Variants in HMGCLL1 observed in about 807,000 individuals in gnomAD.
The protein encoded by HMGCLL1 is 3-hydroxy-3-methylglutaryl-CoA lyase like 1.
In HMGCLL1, 36 loss-of-function variants were observed where a neutral mutation model predicts 39.1. That is an observed-to-expected ratio of 0.92 (90% CI 0.71 to 1.22). The LOEUF (loss-of-function observed/expected upper bound fraction) is 1.22, where lower values mean the gene tolerates loss of function less well. Among genes scored for constraint, HMGCLL1 ranks in the 50% most tolerant of loss-of-function variants. The probability of loss-of-function intolerance (pLI) is 0.00; values close to 1 mark genes in which losing one functional copy is unlikely to be tolerated. For synonymous variants in HMGCLL1, 149 were observed against 144.0 expected (o/e 1.03, Z -0.25); for missense variants, 451 against 416.5 (o/e 1.08, Z -0.72).
chr6:55,570,880 G>C (rs569621439), intron 1 of HMGCLL1, among the ~76,000 whole-genome samples: 1 of 152,290 alleles, frequency 6.6e-6, no homozygotes, highest in South Asian at 2.1e-4. Flanking sequence ...CACATGGCTA[G>C]GGAGGCCTCA....
chr6:55,576,076 T>G (rs1274563616), intron 1 of HMGCLL1, among the ~76,000 whole-genome samples: 1 of 152,210 alleles, frequency 6.6e-6, no homozygotes, highest in African/African-American at 2.4e-5. Context: ...TCCTTAGTTT[T>G]ACTATGCTTA....
At chr6:55,575,412 T>C (rs1308905037) in intron 1 of HMGCLL1, among the ~76,000 whole-genome samples, 1 of 152,092 alleles carries the variant, frequency 6.6e-6, no homozygotes, top group East Asian at 1.9e-4. Context: ...AATATTTAAT[T>C]TAAGTCTAAT....
the HMGCLL1 span, among the ~76,000 whole-genome samples, chr6:55,640,912 A>C: frequency 6.6e-6 from 1 of 151,990 alleles, no homozygotes; most frequent in African/African-American, 2.4e-5. Flanking sequence ...ATGTTCAAAG[A>C]TGTCCACTAT....
chr6:55,571,541 C>G (rs1479527588), intron 1 of HMGCLL1, among the ~76,000 whole-genome samples: 3 of 152,128 alleles, frequency 2.0e-5, no homozygotes, highest in Non-Finnish European at 4.4e-5. Flanking sequence ...CAAGGTGGCT[C>G]ACGCCTGTAA....
intron 3 of HMGCLL1, among the ~76,000 whole-genome samples, chr6:55,526,417 A>G (rs927612431): frequency 7.2e-5 from 11 of 152,122 alleles, no homozygotes; most frequent in African/African-American, 2.6e-4. Context: ...TGTATTATCT[A>G]TCATTGCTCT....
In HMGCLL1 at chr6:55,439,419, G is replaced by A. The variant is rs550948890; in HGVS notation, c.921+15C>T. On this transcript the variant is annotated intron_variant, in intron 8 of 8. Coordinates refer to ENST00000274901, the MANE Select transcript of HMGCLL1 (RefSeq NM_001042406.2). ...AAGGAATGCATGAATATTAAAATAC[G>A]TTAAAGTAACTTACTGTATTGAGCC... is the stretch of plus-strand genomic sequence containing the variant. The A allele has an allele frequency of 2.1e-5, 34 of 1,598,654 alleles. No individual in the cohort carries two copies. Among genetic ancestry groups the A allele is most frequent in the East Asian group, 4.5e-5 (2 of 44,562 alleles).
intron 6 of HMGCLL1, among the ~76,000 whole-genome samples, chr6:55,497,305 C>T (rs1280872479): frequency 6.6e-6 from 1 of 151,468 alleles, no homozygotes; most frequent in Non-Finnish European, 1.5e-5. Flanking sequence ...TTTTCTAAGC[C>T]TTGGTTACTC....
chr6:55,525,164 T>C (rs1490720611), intron 3 of HMGCLL1, among the ~76,000 whole-genome samples: 3 of 151,138 alleles, frequency 2.0e-5, no homozygotes, highest in Non-Finnish European at 3.0e-5. Context: ...ACTTGGTCTA[T>C]GCTGGTCTAT....
chr6:55,434,840 G>T lies in HMGCLL1; in HGVS notation c.*822C>A, dbSNP rs1763307369. The T allele has an allele frequency of 6.6e-6, 1 of 151,994 alleles. No homozygotes were observed. Among genetic ancestry groups the T allele is most frequent in the Non-Finnish European group, 1.5e-5 (1 of 67,974 alleles). 9.4% of individuals were successfully genotyped at this position (151,994 alleles called of 1,614,324 possible). A position where few individuals can be genotyped will look rare whatever the true frequency, so the allele number is the denominator to read the frequency against. On this transcript the variant is annotated 3_prime_UTR_variant, in exon 9 of 9. Coordinates refer to ENST00000274901, the MANE Select transcript of HMGCLL1 (RefSeq NM_001042406.2). The stretch of plus-strand genomic sequence containing the variant: ...ATATTTCCTTGGGCAATTTGAAAGT[G>T]ATCTGAAAATTATAAAGGTAGATTA...
At chr6:55,672,095 T>C in the HMGCLL1 span, among the ~76,000 whole-genome samples, 1 of 151,726 alleles carries the variant, frequency 6.6e-6, no homozygotes, top group African/African-American at 2.4e-5. Context: ...GTCTATCCTT[T>C]TGTACCTTTT....
At chr6:55,639,433 C>T in the HMGCLL1 span, among the ~76,000 whole-genome samples, 2 of 150,850 alleles carry the variant, frequency 1.3e-5, no homozygotes, top group African/African-American at 4.9e-5. Flanking sequence ...GCTTTCCAAA[C>T]ACCATGTTTC....
the HMGCLL1 span, among the ~76,000 whole-genome samples, chr6:55,642,659 G>A: frequency 6.6e-6 from 1 of 151,958 alleles, no homozygotes; most frequent in Non-Finnish European, 1.5e-5. Context: ...TTACGTTCAG[G>A]GGTACATGTG....
chr6:55,613,219 A>C, the HMGCLL1 span, among the ~76,000 whole-genome samples: 1 of 152,234 alleles, frequency 6.6e-6, no homozygotes, highest in Non-Finnish European at 1.5e-5. Flanking sequence ...ATCATTAGAG[A>C]AATGCAAATT....
intron 7 of HMGCLL1, among the ~76,000 whole-genome samples, chr6:55,472,497 G>A (rs1394070199): frequency 6.6e-6 from 1 of 151,322 alleles, no homozygotes; most frequent in Non-Finnish European, 1.5e-5. Context: ...AGATTAATAG[G>A]AGTTTTATAT....
chr6:55,600,016 T>G, the HMGCLL1 span, among the ~76,000 whole-genome samples: 2 of 152,198 alleles, frequency 1.3e-5, no homozygotes, highest in African/African-American at 4.8e-5. Flanking sequence ...TGTTATAAAA[T>G]TATTCTCTTA....
intron 7 of HMGCLL1, among the ~76,000 whole-genome samples, chr6:55,477,074 C>A (rs1476461468): frequency 9.6e-6 from 1 of 104,018 alleles, no homozygotes; most frequent in Non-Finnish European, 1.9e-5. Flanking sequence ...TGTAACAAAC[C>A]TGCACATTGT....
chr6:55,520,149 A>G (rs1234410302), intron 3 of HMGCLL1, among the ~76,000 whole-genome samples: 5 of 151,398 alleles, frequency 3.3e-5, no homozygotes, highest in Non-Finnish European at 7.4e-5. Flanking sequence ...GCTAATGTAG[A>G]TGACGGGTTG....
At chr6:55,478,389 G>C (rs1298284131) in intron 7 of HMGCLL1, among the ~76,000 whole-genome samples, 1 of 151,400 alleles carries the variant, frequency 6.6e-6, no homozygotes, top group South Asian at 2.1e-4. Flanking sequence ...TTTTAAACTG[G>C]AGAAGAGAAG....
At chr6:55,633,874 C>T in the HMGCLL1 span, among the ~76,000 whole-genome samples, 1 of 151,862 alleles carries the variant, frequency 6.6e-6, no homozygotes, top group Non-Finnish European at 1.5e-5. Flanking sequence ...GCAAAAGTGC[C>T]GAAAAATTGT....
Sources: allele counts gnomAD v4.1 joint callset (sites outside exome capture counted in the v4.1 genomes callset), GRCh38; gene constraint gnomAD v4.1.1; transcripts MANE v1.5; gene names NCBI Gene and HGNC (gene_info 2026-07-23, HGNC 2026-07-21).